ARSB: variants seen among roughly 807,000 people sequenced by gnomAD.
ARSB encodes N-acetylgalactosamine-4-sulfatase.
ARSB carries 41 observed loss-of-function variants against 50.9 expected under a neutral mutation model. The ratio of observed to expected loss-of-function variants is 0.81; its 90% CI spans 0.63 to 1.04. The LOEUF (loss-of-function observed/expected upper bound fraction) is 1.04, where lower values mean the gene tolerates loss of function less well. ARSB is among the 50% of genes least tolerant of loss of function. The pLI is 0.00. For missense variants in ARSB, 672 were observed against 693.3 expected (o/e 0.97, Z 0.35); for synonymous variants, 269 against 284.8 (o/e 0.94, Z 0.56).
intron 4 of ARSB, among the ~76,000 whole-genome samples, chr5:78,928,760 T>C (rs1750180900): frequency 6.6e-6 from 1 of 152,252 alleles, no homozygotes; most frequent in Non-Finnish European, 1.5e-5. Context: ...TGTATTCTCT[T>C]CCATAATTTG....
At chr5:78,809,766 TG>T (rs1472919414) in intron 6 of ARSB, among the ~76,000 whole-genome samples, 1 of 152,252 alleles carries the variant, frequency 6.6e-6, no homozygotes, top group African/African-American at 2.4e-5. Flanking sequence ...CCATCGGACC[TG>T]GAGCCAGCCT....
intron 6 of ARSB, among the ~76,000 whole-genome samples, chr5:78,794,007 G>A (rs1743083953): frequency 6.6e-6 from 1 of 152,174 alleles, no homozygotes; most frequent in Admixed American, 6.5e-5. Context: ...AGTACATTCT[G>A]TAGAGCCCGT....
chr5:78,923,255 T>C (rs1047026500), intron 4 of ARSB, among the ~76,000 whole-genome samples: 3 of 152,142 alleles, frequency 2.0e-5, no homozygotes, highest in African/African-American at 7.2e-5. Flanking sequence ...GGGGGATCCA[T>C]GGGGGAAACA....
chr5:78,906,591 T>A (rs1194764484), intron 4 of ARSB, among the ~76,000 whole-genome samples: 1 of 152,140 alleles, frequency 6.6e-6, no homozygotes, highest in Non-Finnish European at 1.5e-5. Context: ...TCCATTCACC[T>A]GATTTTGTTT....
intron 6 of ARSB, among the ~76,000 whole-genome samples, chr5:78,808,879 C>A (rs915797887): frequency 2.0e-5 from 3 of 152,122 alleles, no homozygotes; most frequent in Admixed American, 2.0e-4. Flanking sequence ...TTGCTGGACA[C>A]GGGGTGTCTA....
intron 4 of ARSB, among the ~76,000 whole-genome samples, chr5:78,928,305 CTTTTTTTT>C (rs34737292): frequency 1.1e-4 from 8 of 72,588 alleles, no homozygotes; most frequent in Admixed American, 6.0e-4. Context: ...TTTGCTTTTG[CTTTTTTTT>C]TTTTTTTTTT....
At chr5:78,980,938 C>CTTTTT (rs762385496) in intron 1 of ARSB, among the ~76,000 whole-genome samples, 8 of 24,480 alleles carry the variant, frequency 3.3e-4, no homozygotes, top group Admixed American at 4.8e-4. Flanking sequence ...ATTTCTAGTT[C>CTTTTT]TTTTTTTTTT....
At chr5:78,885,550 T>G (rs1366165374) in intron 5 of ARSB, 34 bp downstream of exon 5, 1 of 1,608,564 alleles carries the variant, frequency 6.2e-7, no homozygotes, top group Non-Finnish European at 8.5e-7. Context: ...TTGGAGTTTC[T>G]GTCCTGGGAG....
intron 4 of ARSB, among the ~76,000 whole-genome samples, chr5:78,892,416 C>T (rs550151703): frequency 6.6e-6 from 1 of 152,120 alleles, no homozygotes; most frequent in South Asian, 2.1e-4. Flanking sequence ...CCACCATGCC[C>T]AGCTAATTTT....
At chr5:78,811,628 T>G (rs955137533) in intron 6 of ARSB, among the ~76,000 whole-genome samples, 2 of 152,250 alleles carry the variant, frequency 1.3e-5, no homozygotes, top group African/African-American at 4.8e-5. Context: ...ATCTGTGAAT[T>G]GTAGCGGCTC....
intron 1 of ARSB, among the ~76,000 whole-genome samples, chr5:78,982,521 T>C (rs898111123): frequency 6.6e-6 from 1 of 152,222 alleles, no homozygotes; most frequent in African/African-American, 2.4e-5. Context: ...TTAGTGGTTA[T>C]AGGCATCAAC....
intron 4 of ARSB, among the ~76,000 whole-genome samples, chr5:78,894,487 C>A (rs956630644): frequency 3.3e-5 from 5 of 152,176 alleles, no homozygotes; most frequent in Non-Finnish European, 5.9e-5. Flanking sequence ...AGTGGACAGG[C>A]AGTTTCATTT....
At chr5:78,818,783 T>C (rs1443171550) in intron 6 of ARSB, among the ~76,000 whole-genome samples, 1 of 152,008 alleles carries the variant, frequency 6.6e-6, no homozygotes, top group African/African-American at 2.4e-5. Flanking sequence ...AGAAGGGACA[T>C]GCTTTTCAAG....
intron 5 of ARSB, among the ~76,000 whole-genome samples, chr5:78,869,694 G>T (rs1223947873): frequency 6.7e-6 from 1 of 150,294 alleles, no homozygotes; most frequent in African/African-American, 2.4e-5. Context: ...AGCACTAAAT[G>T]CCCACAAGAG....
intron 6 of ARSB, among the ~76,000 whole-genome samples, chr5:78,817,575 A>G (rs1744047197): frequency 6.6e-6 from 1 of 152,120 alleles, no homozygotes; most frequent in African/African-American, 2.4e-5. Context: ...TTGGGAGGCC[A>G]AGAGGGGTGA....
At chr5:78,828,678 C>T (rs1012040091) in intron 6 of ARSB, among the ~76,000 whole-genome samples, 8 of 152,136 alleles carry the variant, frequency 5.3e-5, no homozygotes, top group East Asian at 3.8e-4. Context: ...AGGTTATAAG[C>T]GACTTGTTGT....
chr5:78,958,349 G>C (rs188909691), intron 3 of ARSB, among the ~76,000 whole-genome samples: 127 of 152,312 alleles, frequency 8.3e-4, no homozygotes, highest in Middle Eastern at 3.4e-3. Flanking sequence ...AAAGGAGAAA[G>C]AGGGTAGGTG....
At chr5:78,854,541 A>G (rs1321862677) in intron 5 of ARSB, among the ~76,000 whole-genome samples, 1 of 152,208 alleles carries the variant, frequency 6.6e-6, no homozygotes, top group African/African-American at 2.4e-5. Flanking sequence ...TAAAATTTCA[A>G]AAGTTCCTCT....
At chr5:78,911,161 G>A (rs1749290298) in intron 4 of ARSB, among the ~76,000 whole-genome samples, 1 of 152,096 alleles carries the variant, frequency 6.6e-6, no homozygotes, top group African/African-American at 2.4e-5. Flanking sequence ...CTTTGGTGAG[G>A]AGTAAATTAT....
Sources: allele counts gnomAD v4.1 joint callset (sites outside exome capture counted in the v4.1 genomes callset), GRCh38; gene constraint gnomAD v4.1.1; transcripts MANE v1.5; gene names NCBI Gene and HGNC (gene_info 2026-07-23, HGNC 2026-07-21).